The following PCBD2 variants were observed in gnomAD, a reference collection of about 807,000 sequenced individuals.
PCBD2 encodes pterin-4 alpha-carbinolamine dehydratase 2.
PCBD2 carries 12 observed loss-of-function variants against 16.4 expected under a neutral mutation model. The observed-to-expected ratio is 0.73, with a 90% CI of 0.47 to 1.19. The LOEUF (loss-of-function observed/expected upper bound fraction) is 1.19, where lower values mean the gene tolerates loss of function less well. PCBD2 is among the 50% of genes most tolerant of loss of function. The pLI is 0.00. For missense variants in PCBD2, 138 were observed against 156.8 expected (o/e 0.88, Z 0.64); for synonymous variants, 58 against 61.8 (o/e 0.94, Z 0.29).
chr5:134,922,808 G>C (rs1409964909), intron 2 of PCBD2, among the ~76,000 whole-genome samples: 2 of 152,092 alleles, frequency 1.3e-5, no homozygotes, highest in East Asian at 3.9e-4. Context: ...GATTACAGGT[G>C]CCCGCCACCA....
chr5:134,940,278 C>T (rs996868286), intron 2 of PCBD2, among the ~76,000 whole-genome samples: 3 of 152,124 alleles, frequency 2.0e-5, no homozygotes, highest in African/African-American at 4.8e-5. Context: ...TCCAAGCCTC[C>T]GGGGTTTAGG....
At chr5:134,957,398 T>C (rs988939537) in intron 2 of PCBD2, among the ~76,000 whole-genome samples, 2 of 152,258 alleles carry the variant, frequency 1.3e-5, no homozygotes, top group African/African-American at 4.8e-5. Context: ...TGATGTTGAT[T>C]AGCATTGTAC....
chr5:134,955,771 G>GT (rs1472632659), intron 2 of PCBD2, among the ~76,000 whole-genome samples: 1 of 152,160 alleles, frequency 6.6e-6, no homozygotes, highest in Non-Finnish European at 1.5e-5. Context: ...GCTTCTGGCT[G>GT]TTTCTAGCTT....
chr5:134,950,662 A>G (rs1288009395), intron 2 of PCBD2, among the ~76,000 whole-genome samples: 1 of 152,222 alleles, frequency 6.6e-6, no homozygotes, highest in Non-Finnish European at 1.5e-5. Flanking sequence ...CCAAATGACA[A>G]ACTTCATTGG....
intron 2 of PCBD2, chr5:134,925,435 C>T (rs377479940): frequency 3.8e-5 from 15 of 398,298 alleles, no homozygotes; most frequent in Admixed American, 2.2e-4. Flanking sequence ...GGATCCGGAG[C>T]ATATAAATAG....
chr5:134,932,937 C>G (rs1751115981), intron 2 of PCBD2, among the ~76,000 whole-genome samples: 1 of 152,170 alleles, frequency 6.6e-6, no homozygotes, highest in Non-Finnish European at 1.5e-5. Context: ...CACCAGGCCT[C>G]TCATTCTAAT....
intron 2 of PCBD2, among the ~76,000 whole-genome samples, chr5:134,915,248 G>T (rs996241491): frequency 1.3e-5 from 2 of 151,678 alleles, no homozygotes; most frequent in African/African-American, 4.8e-5. Context: ...CTGGGAGGCG[G>T]AGGTTGCAGT....
intron 2 of PCBD2, among the ~76,000 whole-genome samples, chr5:134,919,950 G>T (rs1488609904): frequency 6.6e-6 from 1 of 152,164 alleles, no homozygotes; most frequent in African/African-American, 2.4e-5. Context: ...AATATTGGGT[G>T]CCTGATGGAG....
chr5:134,942,166 A>G (rs1372748914), intron 2 of PCBD2, among the ~76,000 whole-genome samples: 1 of 149,134 alleles, frequency 6.7e-6, no homozygotes, highest in South Asian at 2.1e-4. Context: ...TAGGAAACTT[A>G]TTTTTGCTAA....
intron 2 of PCBD2, among the ~76,000 whole-genome samples, chr5:134,936,206 A>C (rs1751157359): frequency 6.6e-6 from 1 of 152,212 alleles, no homozygotes; most frequent in Admixed American, 6.5e-5. Flanking sequence ...CCCGTGGGTA[A>C]CTTGGGTGCC....
chr5:134,927,339 G>A (rs1043611308), intron 2 of PCBD2: 20 of 398,386 alleles, frequency 5.0e-5, no homozygotes, highest in Non-Finnish European at 8.8e-5. Context: ...TAAGAGTACT[G>A]CAGCAAGTAC....
Position 134,925,271 on chromosome 5 carries a change from C to T in PCBD2, c.216+14805C>T, listed in dbSNP as rs1183133110. The T allele has an allele frequency of 1.5e-4, 59 of 398,402 alleles. No individual in the cohort carries two copies. The East Asian group carries it at 1.9e-3, about 13-fold the overall frequency. The allele number at this position is 398,402 out of a possible 1,614,324, so 24.7% of individuals were successfully genotyped here. A position where few individuals can be genotyped will look rare whatever the true frequency, so the allele number is the denominator to read the frequency against. ...TTTGTGTATGATATGTTTGCGGTTTCGATGATGTGGTCTTTGGAGTAGAAA... is the reference window on the plus strand; with the variant it reads ...TTTGTGTATGATATGTTTGCGGTTTTGATGATGTGGTCTTTGGAGTAGAAA... On this transcript the variant is annotated intron_variant, in intron 2 of 3. Transcript: ENST00000254908.
rs374105624 is a variant in PCBD2 at position 134,910,476 on chromosome 5, A to G, written c.216+10A>G. On this transcript the variant is annotated intron_variant, in intron 2 of 3. Transcript: ENST00000254908. The stretch of plus-strand genomic sequence containing the variant: ...CCACAATTTTAATCAGGTAATTGTT[A>G]TAAATTCTTGCTAGGGCTGTGGTCT... 1.3e-5 allele frequency: 21 copies of G among 1,613,592 alleles called. No individual in the cohort carries two copies. Among genetic ancestry groups the G allele is most frequent in the Non-Finnish European group, 1.8e-5 (21 of 1,179,714 alleles).
chr5:134,926,524 T>C, intron 2 of PCBD2: 1 of 395,414 alleles, frequency 2.5e-6, no homozygotes, highest in Non-Finnish European at 4.5e-6. Context: ...TGTTATCCTT[T>C]AAAAGTTGAG....
intron 2 of PCBD2, chr5:134,923,596 C>T (rs1286705567): frequency 2.6e-5 from 9 of 345,720 alleles, no homozygotes; most frequent in East Asian, 4.3e-5. Flanking sequence ...TATGGGACGG[C>T]GGATAGCAGG....
At chr5:134,922,471 C>G (rs1183109554) in intron 2 of PCBD2, among the ~76,000 whole-genome samples, 1 of 152,276 alleles carries the variant, frequency 6.6e-6, no homozygotes, top group East Asian at 1.9e-4. Context: ...GATTTTTATG[C>G]ACTTAACAAT....
At chr5:134,957,119 C>T (rs1438334116) in intron 2 of PCBD2, among the ~76,000 whole-genome samples, 1 of 152,100 alleles carries the variant, frequency 6.6e-6, no homozygotes, top group Non-Finnish European at 1.5e-5. Flanking sequence ...AAAAATTAGC[C>T]AGGCGTGGTG....
chr5:134,918,429 C>T (rs964605716), intron 2 of PCBD2, among the ~76,000 whole-genome samples: 2 of 152,076 alleles, frequency 1.3e-5, no homozygotes, highest in Non-Finnish European at 2.9e-5. Context: ...GGCTTGAACC[C>T]GGGAGGCGGA....
intron 2 of PCBD2, among the ~76,000 whole-genome samples, chr5:134,958,589 A>G (rs1384989029): frequency 6.6e-6 from 1 of 152,216 alleles, no homozygotes; most frequent in Non-Finnish European, 1.5e-5. Context: ...AGACACCCTC[A>G]GGAGACCTTT....
Sources: gnomAD v4.1 joint callset for allele counts (sites outside exome capture counted in the v4.1 genomes callset) on GRCh38, gnomAD v4.1.1 for gene constraint, MANE v1.5 for transcripts, NCBI Gene and HGNC (gene_info 2026-07-23, HGNC 2026-07-21) for gene names.